The following EDA variants were observed in gnomAD, a reference collection of about 807,000 sequenced individuals.
EDA encodes the protein ectodysplasin-A.
In EDA, 2 loss-of-function variants were observed where a neutral mutation model predicts 23.6. The observed-to-expected ratio is 0.08, with a 90% CI of 0.03 to 0.27. EDA has a LOEUF of 0.27. EDA is among the 10% of genes least tolerant of loss of function. The pLI is 1.00. For synonymous variants in EDA, 131 were observed against 132.0 expected (o/e 0.99, Z 0.05); for missense variants, 229 against 324.2 (o/e 0.71, Z 2.26).
At chrX:69,836,900 C>T (rs1281991222) in intron 1 of EDA, among the ~76,000 whole-genome samples, 1 of 112,407 alleles carries the variant, frequency 8.9e-6, no homozygotes, top group Non-Finnish European at 1.9e-5. Flanking sequence ...GATAGGCTAA[C>T]TCTTAGTGTA....
At chrX:69,654,552 G>A (rs1309487739) in intron 1 of EDA, among the ~76,000 whole-genome samples, 1 of 111,813 alleles carries the variant, frequency 8.9e-6, no homozygotes, top group African/African-American at 3.3e-5. Flanking sequence ...CAACCTAAAT[G>A]TCCAACAACG....
At chrX:69,684,281 A>G (rs943541329) in intron 1 of EDA, among the ~76,000 whole-genome samples, 4 of 111,974 alleles carry the variant, frequency 3.6e-5, no homozygotes, top group Non-Finnish European at 7.5e-5. Context: ...ACTCTAAGGA[A>G]GGAGACAGAA....
intron 1 of EDA, among the ~76,000 whole-genome samples, chrX:69,747,596 T>C (rs975771133): frequency 9.0e-6 from 1 of 111,640 alleles, no homozygotes; most frequent in African/African-American, 3.3e-5. Context: ...GAAGCAGAAA[T>C]ATTGGTGGGG....
intron 1 of EDA, among the ~76,000 whole-genome samples, chrX:69,780,289 A>G (rs888323396): frequency 1.8e-5 from 2 of 111,787 alleles, no homozygotes; most frequent in East Asian, 5.6e-4. Flanking sequence ...CTACAGAGCA[A>G]ATGCTCTCAG....
At chrX:69,621,555 G>A (rs1569274275) in intron 1 of EDA, among the ~76,000 whole-genome samples, 1 of 111,702 alleles carries the variant, frequency 9.0e-6, no homozygotes, top group Non-Finnish European at 1.9e-5. Context: ...TCATAGATTA[G>A]TTTTTTTATC....
chrX:69,862,413 T>G (rs1197706925), intron 1 of EDA, among the ~76,000 whole-genome samples: 1 of 111,803 alleles, frequency 8.9e-6, no homozygotes, highest in Non-Finnish European at 1.9e-5. Flanking sequence ...AGGTTTTATT[T>G]ATTGAAGGAA....
intron 1 of EDA, among the ~76,000 whole-genome samples, chrX:69,712,102 G>T (rs1441456156): frequency 9.0e-6 from 1 of 110,523 alleles, no homozygotes; most frequent in Non-Finnish European, 1.9e-5. Context: ...GTCAATTTTA[G>T]ATCTTTCCTG....
chrX:69,794,906 C>T (rs1280976560), intron 1 of EDA, among the ~76,000 whole-genome samples: 4 of 111,959 alleles, frequency 3.6e-5, no homozygotes, highest in African/African-American at 1.3e-4. Context: ...GTAGCTCACC[C>T]TTGGATGGAC....
chrX:70,000,870 C>T (rs964977835), intron 2 of EDA, among the ~76,000 whole-genome samples: 1 of 111,617 alleles, frequency 9.0e-6, no homozygotes, highest in East Asian at 2.8e-4. Flanking sequence ...AAAGACCATG[C>T]CTTTTCCACT....
At chrX:69,741,212 G>A (rs866333593) in intron 1 of EDA, among the ~76,000 whole-genome samples, 2 of 110,395 alleles carry the variant, frequency 1.8e-5, no homozygotes, top group Non-Finnish European at 3.8e-5. Context: ...AGTTTCTCTT[G>A]CCTACTTTTT....
At chrX:69,648,427 G>A (rs1284259164) in intron 1 of EDA, among the ~76,000 whole-genome samples, 1 of 112,201 alleles carries the variant, frequency 8.9e-6, no homozygotes, top group Non-Finnish European at 1.9e-5. Flanking sequence ...CCTGCCCAGT[G>A]AGGAGGAATG....
intron 1 of EDA, among the ~76,000 whole-genome samples, chrX:69,698,798 A>G (rs1236322937): frequency 9.0e-6 from 1 of 110,806 alleles, no homozygotes; most frequent in African/African-American, 3.3e-5. Flanking sequence ...ATTCCCAAGG[A>G]TGTAGAGACG....
intron 2 of EDA, among the ~76,000 whole-genome samples, chrX:69,998,327 C>T (rs755045052): frequency 8.0e-4 from 90 of 112,663 alleles, no homozygotes; most frequent in African/African-American, 2.8e-3. Flanking sequence ...GGATTTCAGA[C>T]TTGCATGGGG....
At chrX:69,946,871 G>A (rs140022674) in intron 1 of EDA, among the ~76,000 whole-genome samples, 2 of 111,864 alleles carry the variant, frequency 1.8e-5, no homozygotes, top group East Asian at 5.6e-4. Flanking sequence ...TATTGCTCAG[G>A]CAATCTCATT....
At chrX:69,776,396 G>A (rs776424147) in intron 1 of EDA, among the ~76,000 whole-genome samples, 24 of 111,177 alleles carry the variant, frequency 2.2e-4, no homozygotes, top group African/African-American at 3.9e-4. Context: ...TGCTGTTCTC[G>A]TAGTAGTGAA....
intron 1 of EDA, among the ~76,000 whole-genome samples, chrX:69,688,410 A>AT (rs1284324462): frequency 1.2e-4 from 13 of 110,562 alleles, no homozygotes; most frequent in African/African-American, 1.6e-4. Flanking sequence ...CTTTTTATTT[A>AT]TTTTTTTTGA....
At chrX:69,771,837 G>C (rs972371323) in intron 1 of EDA, among the ~76,000 whole-genome samples, 1 of 112,613 alleles carries the variant, frequency 8.9e-6, no homozygotes, top group African/African-American at 3.2e-5. Context: ...TTGGCTATTA[G>C]CTGTGATGTT....
At chrX:69,786,918 G>C (rs79258153) in intron 1 of EDA, among the ~76,000 whole-genome samples, 5 of 102,055 alleles carry the variant, frequency 4.9e-5, no homozygotes, top group Non-Finnish European at 6.2e-5. Context: ...ATTAATGTGT[G>C]GGAGTCTAAG....
intron 1 of EDA, among the ~76,000 whole-genome samples, chrX:69,898,895 C>T (rs1210680294): frequency 1.8e-5 from 2 of 112,041 alleles, no homozygotes; most frequent in African/African-American, 3.2e-5. Flanking sequence ...GATGTGCCTA[C>T]AGCCAGGCTC....
Sources: gnomAD v4.1 joint callset for allele counts (sites outside exome capture counted in the v4.1 genomes callset) on GRCh38, gnomAD v4.1.1 for gene constraint, MANE v1.5 for transcripts, NCBI Gene and HGNC (gene_info 2026-07-23, HGNC 2026-07-21) for gene names.